The following SLC35A3 variants were observed in gnomAD, a reference collection of about 807,000 sequenced individuals.
SLC35A3 encodes the protein UDP-N-acetylglucosamine transporter.
A neutral mutation model predicts 39.0 loss-of-function variants in SLC35A3; 26 were observed. The ratio of observed to expected loss-of-function variants is 0.67; its 90% CI spans 0.49 to 0.92. The LOEUF is 0.92. Ranked by LOEUF, SLC35A3 falls within the 40% of genes least tolerant of loss-of-function variation. The probability of loss-of-function intolerance (pLI) is 0.00; values close to 1 mark genes in which losing one functional copy is unlikely to be tolerated. For missense variants in SLC35A3, 299 were observed against 371.6 expected (o/e 0.80, Z 1.61); for synonymous variants, 135 against 133.1 (o/e 1.01, Z -0.10).
At chr1:99,992,397 A>T (rs1658143110) in intron 1 of SLC35A3, among the ~76,000 whole-genome samples, 2 of 151,826 alleles carry the variant, frequency 1.3e-5, no homozygotes, top group African/African-American at 4.8e-5. Context: ...TTTTTTAGTT[A>T]TTTTTTTCAT....
In SLC35A3 at chr1:100,011,535, TA is replaced by T; in HGVS notation, c.634+4del. 1 of 1,293,658 alleles carries T rather than the reference TA, an allele frequency of 7.7e-7. No individual in the cohort carries two copies. Among genetic ancestry groups the T allele is most frequent in the Admixed American group, 2.2e-5 (1 of 45,076 alleles). The allele number at this position is 1,293,658 out of a possible 1,614,324, so 80.1% of individuals were successfully genotyped here. The stretch of plus-strand genomic sequence containing the variant: ...TGTGGATAAGAAATATTCAGCTTGG[TA>T]AGTTTTAAATGTTTTCTAATATTAT... On this transcript the variant is annotated splice_donor_region_variant and intron_variant, in intron 5 of 7. Transcript: ENST00000533028.
At chr1:100,000,643 A>G (rs979989782) in intron 3 of SLC35A3, 1 of 152,020 alleles carries the variant, frequency 6.6e-6, no homozygotes, top group Non-Finnish European at 1.5e-5. Context: ...CTTTTAAAAT[A>G]TGGAACACTT....
At chr1:99,995,978 T>C (rs566725386) in intron 2 of SLC35A3, among the ~76,000 whole-genome samples, 2 of 152,214 alleles carry the variant, frequency 1.3e-5, no homozygotes, top group Non-Finnish European at 2.9e-5. Flanking sequence ...GCATTTAACA[T>C]TGTGGAGCCA....
intron 1 of SLC35A3, among the ~76,000 whole-genome samples, chr1:99,986,426 G>A (rs548077392): frequency 1.3e-5 from 2 of 151,512 alleles, no homozygotes; most frequent in Non-Finnish European, 2.9e-5. Flanking sequence ...CCTGCGCCTG[G>A]CCATATTCTA....
Position 99,999,273 on chromosome 1 carries a change from G to T in SLC35A3, c.200G>T (p.Arg67Ile). The part of the protein sequence containing the change: ...LVYKDSKCSL[R>I]ALNRVLHDEI... The stretch of plus-strand genomic sequence containing the variant: ...TATTATTTTCTAGAATGTAGTCTAA[G>T]AGCACTGAATCGAGTACTACATGAT... The change falls in exon 3 of 8, where the codon AGA (arginine) becomes ATA (isoleucine). Residue 67 changes from arginine (R) to isoleucine (I), a missense_variant. Physicochemically the swap from Arg to Ile is moderately conservative, Grantham distance 97. Coordinates refer to ENST00000533028, the MANE Select transcript of SLC35A3 (RefSeq NM_012243.3). 6.5e-7 allele frequency: 1 copy of T among 1,548,784 alleles called. No homozygotes were observed. Among genetic ancestry groups the T allele is most frequent in the South Asian group, 1.3e-5 (1 of 79,520 alleles).
intron 4 of SLC35A3, 73 bp downstream of exon 4, chr1:100,007,229 A>G (rs1188912061): frequency 7.5e-7 from 1 of 1,331,258 alleles, no homozygotes; most frequent in Non-Finnish European, 1.0e-6. Flanking sequence ...TGTGTGGAGA[A>G]ATATGGTTCT....
chr1:100,011,073 A>G (rs1022087108), intron 4 of SLC35A3, among the ~76,000 whole-genome samples: 7 of 152,226 alleles, frequency 4.6e-5, no homozygotes, highest in Non-Finnish European at 1.0e-4. Flanking sequence ...GTGCTTTTTA[A>G]TAAATTAAAC....
chr1:100,006,517 A>G lies in SLC35A3; in HGVS notation c.343-517A>G, dbSNP rs529731337. On this transcript the variant is annotated intron_variant, in intron 3 of 7. Transcript: ENST00000533028. ...AATTTTCAGGCCCCAGTTTGTGTGC[A>G]TGGGTGGGTGCCAGCAGTGGTAGCA... 2.0e-5 allele frequency among the ~76,000 whole-genome samples: 3 copies of G among 152,130 alleles called. No homozygotes were observed. The East Asian group carries it at 5.8e-4, about 29-fold the overall frequency.
chr1:100,003,967 A>G (rs969603619), intron 3 of SLC35A3, among the ~76,000 whole-genome samples: 4 of 152,122 alleles, frequency 2.6e-5, no homozygotes, highest in Non-Finnish European at 5.9e-5. Flanking sequence ...GTTTGCATGG[A>G]ATATCTCTCT....
rs1324674394 is a variant in SLC35A3, at chr1:100,026,130, C to T, written c.*3654C>T. On this transcript the variant is annotated 3_prime_UTR_variant, in exon 8 of 8. Transcript: ENST00000533028. ...TCTGAAAGGAAACTAATTATGTTCTCTACACTTACTGTAATACTGATTATT... is the reference window on the plus strand; with the variant it reads ...TCTGAAAGGAAACTAATTATGTTCTTTACACTTACTGTAATACTGATTATT... 6.6e-6 allele frequency: 1 copy of T among 152,086 alleles called. No individual in the cohort carries two copies. The highest frequency in any genetic ancestry group is 1.5e-5 in the Non-Finnish European group (1 of 67,992). 9.4% of individuals were successfully genotyped at this position (152,086 alleles called of 1,614,324 possible).
chr1:100,019,348 A>T (rs921536143), intron 7 of SLC35A3, among the ~76,000 whole-genome samples: 1 of 152,028 alleles, frequency 6.6e-6, no homozygotes, highest in South Asian at 2.1e-4. Context: ...TTAGTTGAAG[A>T]TAGAAAGAGA....
Position 100,031,140 on chromosome 1 carries a change from G to A in SLC35A3, c.*8664G>A, listed in dbSNP as rs903475209. ...TTGCCATTTTAATGGCTTCAATCATGCTATGACAGATTGTGCCAATTTAGC... is the reference window on the plus strand; with the variant it reads ...TTGCCATTTTAATGGCTTCAATCATACTATGACAGATTGTGCCAATTTAGC... On this transcript the variant is annotated 3_prime_UTR_variant, in exon 8 of 8. Transcript: ENST00000533028. 6.6e-6 allele frequency: 1 copy of A among 151,990 alleles called. No homozygotes were observed. Among genetic ancestry groups the A allele is most frequent in the African/African-American group, 2.4e-5 (1 of 41,362 alleles). 9.4% of individuals were successfully genotyped at this position (151,990 alleles called of 1,614,324 possible). A position where few individuals can be genotyped will look rare whatever the true frequency, so the allele number is the denominator to read the frequency against.
At position 99,993,622 on chromosome 1, in the gene SLC35A3, C is replaced by G; in HGVS notation, c.68C>G (p.Thr23Arg). The change falls in exon 2 of 8, where the codon ACA becomes AGA. Residue 23 changes from threonine to arginine, a missense_variant. Coordinates refer to ENST00000533028, the MANE Select transcript of SLC35A3 (RefSeq NM_012243.3). Reference protein sequence around the residue: ...LVFQTTSLVLTMRYSRTLKEE... With the variant: ...LVFQTTSLVLRMRYSRTLKEE... The stretch of plus-strand genomic sequence containing the variant: ...TTTCAGACTACCAGTTTGGTTCTAA[C>G]AATGCGTTATTCCAGAACTTTAAAA... The G allele has an allele frequency of 6.2e-7, 1 of 1,613,970 alleles. No individual in the cohort carries two copies. The highest frequency in any genetic ancestry group is 8.5e-7 in the Non-Finnish European group (1 of 1,179,928).
At chr1:99,995,113 T>C (rs1359273845) in intron 2 of SLC35A3, among the ~76,000 whole-genome samples, 1 of 79,466 alleles carries the variant, frequency 1.3e-5, no homozygotes, top group Non-Finnish European at 2.8e-5. Context: ...ATTTTCTTTC[T>C]TTCTTTCTTT....
intron 1 of SLC35A3, among the ~76,000 whole-genome samples, chr1:99,991,645 T>C (rs973499124): frequency 3.3e-5 from 5 of 152,224 alleles, no homozygotes; most frequent in Non-Finnish European, 7.3e-5. Flanking sequence ...TTGAATTGCA[T>C]CTTCAGTTAA....
intron 1 of SLC35A3, among the ~76,000 whole-genome samples, chr1:99,984,436 T>C (rs1266489355): frequency 6.6e-6 from 1 of 152,236 alleles, no homozygotes; most frequent in Non-Finnish European, 1.5e-5. Context: ...TTTCTTTTTA[T>C]GGCTGAGTAG....
chr1:99,985,877 CTGT>C (rs1657715161), intron 1 of SLC35A3, among the ~76,000 whole-genome samples: 1 of 152,060 alleles, frequency 6.6e-6, no homozygotes, highest in African/African-American at 2.4e-5. Context: ...AGCTTGGTCA[CTGT>C]TGGTGTATAG....
At chr1:100,006,223 A>T (rs1659218286) in intron 3 of SLC35A3, among the ~76,000 whole-genome samples, 2 of 152,072 alleles carry the variant, frequency 1.3e-5, no homozygotes, top group Admixed American at 1.3e-4. Flanking sequence ...CAGTGGTGGC[A>T]GTGGTGGACC....
intron 4 of SLC35A3, among the ~76,000 whole-genome samples, chr1:100,011,003 T>C (rs964671887): frequency 6.6e-6 from 1 of 152,218 alleles, no homozygotes; most frequent in Non-Finnish European, 1.5e-5. Flanking sequence ...TCTCTACTTT[T>C]GCTGACACAG....
Sources: gnomAD v4.1 joint callset for allele counts (sites outside exome capture counted in the v4.1 genomes callset) on GRCh38, gnomAD v4.1.1 for gene constraint, MANE v1.5 for transcripts, NCBI Gene and HGNC (gene_info 2026-07-23, HGNC 2026-07-21) for gene names.